LMNA: variants seen among roughly 807,000 people sequenced by gnomAD.
LMNA encodes lamin A/C.
Under a neutral mutation model 70.4 loss-of-function variants are expected in LMNA, and 20 were observed. The observed-to-expected ratio is 0.28, with a 90% CI of 0.20 to 0.41. The LOEUF (loss-of-function observed/expected upper bound fraction) is 0.41, where lower values mean the gene tolerates loss of function less well. LMNA is among the 10% of genes least tolerant of loss of function. The pLI is 1.00. For missense variants in LMNA, 652 were observed against 917.2 expected (o/e 0.71, Z 3.73); for synonymous variants, 339 against 372.8 (o/e 0.91, Z 1.04).
Position 156,134,567 on chromosome 1 carries a change from G to A in LMNA, c.639+39G>A. ...TTTGCAAGCCAGAGGGCTGGGGCTG[G>A]GTGATGACAGACTTGGGCTGGGCTA... On this transcript the variant is annotated intron_variant, in intron 3 of 11. Coordinates refer to ENST00000368300, the MANE Select transcript of LMNA (RefSeq NM_170707.4). The surrounding 1 kb of genome is among the most constrained non-coding windows in gnomAD (Gnocchi z 5.3). The A allele has an allele frequency of 1.2e-6, 2 of 1,612,658 alleles. No homozygotes were observed. The highest frequency in any genetic ancestry group is 1.7e-6 in the Non-Finnish European group (2 of 1,179,830).
At chr1:156,132,931 C>T (rs1361597689) in intron 2 of LMNA, among the ~76,000 whole-genome samples, 1 of 151,496 alleles carries the variant, frequency 6.6e-6, no homozygotes, top group Non-Finnish European at 1.5e-5. Context: ...CCTCTGTCTC[C>T]CAGGTTCAAG....
rs1651765531 is a variant in LMNA, at chr1:156,137,538, A to G, written c.1609-116A>G. ...CATCACCACAGAGGACAGAGTAAGC[A>G]GCAGGCCGGACAAAGGGCAGGCCAC... On this transcript the variant is annotated intron_variant, in intron 9 of 11. Coordinates refer to ENST00000368300, the MANE Select transcript of LMNA (RefSeq NM_170707.4). The surrounding 1 kb of genome is among the most constrained non-coding windows in gnomAD (Gnocchi z 4.6). The G allele has an allele frequency of 4.1e-6, 4 of 971,284 alleles. No individual in the cohort carries two copies. The highest frequency in any genetic ancestry group is 2.0e-5 in the Admixed American group (1 of 50,316). 60.2% of individuals were successfully genotyped at this position (971,284 alleles called of 1,614,324 possible). A position where few individuals can be genotyped will look rare whatever the true frequency, so the allele number is the denominator to read the frequency against.
rs373584456 is a variant in LMNA, at chr1:156,136,335, C to T, written c.1279C>T (p.Arg427Cys). 3.4e-5 allele frequency: 55 copies of T among 1,612,170 alleles called. No homozygotes were observed. The highest frequency in any genetic ancestry group is 9.3e-5 in the African/African-American group (7 of 74,880). ...GCGCAAACTGGAGTCCACTGAGAGCCGCAGCAGCTTCTCACAGCACGCACG... is the reference window on the plus strand; with the variant it reads ...GCGCAAACTGGAGTCCACTGAGAGCTGCAGCAGCTTCTCACAGCACGCACG... ...KKRKLESTES[R>C]SSFSQHARTS... The change falls in exon 7 of 12, where the codon CGC (arginine) becomes TGC (cysteine). Residue 427 changes from arginine to cysteine, a missense_variant. Physicochemically the swap from Arg to Cys is radical, Grantham distance 180. Transcript: ENST00000368300. The surrounding 1 kb of genome is among the most constrained non-coding windows in gnomAD (Gnocchi z 6.1).
chr1:156,138,105 T>G lies in LMNA; in HGVS notation c.1698+362T>G. On this transcript the variant is annotated intron_variant, in intron 10 of 11. Transcript: ENST00000368300. The surrounding 1 kb of genome is among the most constrained non-coding windows in gnomAD (Gnocchi z 5.5). The stretch of plus-strand genomic sequence containing the variant: ...TCTTGTTGCATGCATATCCTCTCAT[T>G]TCCCTCATTTTTCCTGCAAGAATGT... 2 of 506,188 alleles carry G rather than the reference T, an allele frequency of 4.0e-6. No homozygotes were observed. The highest frequency in any genetic ancestry group is 7.2e-6 in the Non-Finnish European group (2 of 278,888). 31.4% of individuals were successfully genotyped at this position (506,188 alleles called of 1,614,324 possible). A position where few individuals can be genotyped will look rare whatever the true frequency, so the allele number is the denominator to read the frequency against.
intron 3 of LMNA, among the ~76,000 whole-genome samples, chr1:156,094,456 A>T (rs1463098474): frequency 6.6e-6 from 1 of 151,910 alleles, no homozygotes; most frequent in Non-Finnish European, 1.5e-5. Context: ...CTTCTGCCTC[A>T]GCCTCCCGAG....
In LMNA at chr1:156,134,846, G is replaced by A. The variant is rs769896881; in HGVS notation, c.681G>A (p.Val227=). Residue 227 remains valine (V), a synonymous_variant, in exon 4 of 12, where the codon GTG becomes GTA. Coordinates refer to ENST00000368300, the MANE Select transcript of LMNA (RefSeq NM_170707.4). This position sits in a 1 kb window ranked among gnomAD's most constrained non-coding sequence, Gnocchi z 5.3. ...AGCGCCGTCATGAGACCCGACTGGT[G>A]GAGATTGACAATGGGAAGCAGCGTG... ...ETKRRHETRL[V]EIDNGKQREF... The A allele has an allele frequency of 5.0e-6, 8 of 1,614,126 alleles. No homozygotes were observed. Among genetic ancestry groups the A allele is most frequent in the Non-Finnish European group, 6.8e-6 (8 of 1,180,054 alleles).
intron 1 of LMNA, among the ~76,000 whole-genome samples, chr1:156,121,665 CCCCCTTGCTTCCCTCCTCCCCAG>C (rs1200315304): frequency 1.3e-5 from 2 of 151,992 alleles, no homozygotes; most frequent in Non-Finnish European, 2.9e-5. Context: ...CTGCTCCCCT[CCCCCTTGCTTCCCTCCTCCCCAG>C]CCCCTCGCCA....
chr1:156,102,562 G>A (rs765666996), intron 3 of LMNA, among the ~76,000 whole-genome samples: 15 of 152,114 alleles, frequency 9.9e-5, no homozygotes, highest in Non-Finnish European at 8.8e-5. Context: ...CCCCACCCGA[G>A]GCGTTCCACA....
chr1:156,126,116 C>T (rs999691296), intron 1 of LMNA: 318 of 1,465,598 alleles, frequency 2.2e-4, no homozygotes, highest in Non-Finnish European at 2.6e-4. Flanking sequence ...CACCCGGCCA[C>T]AGGGGGCGAT....
Position 156,114,797 on chromosome 1 carries a change from G to T in LMNA, c.-122G>T. 1.4e-6 allele frequency: 1 copy of T among 692,058 alleles called. No individual in the cohort carries two copies. Among genetic ancestry groups the T allele is most frequent in the Non-Finnish European group, 2.3e-6 (1 of 429,204 alleles). 42.9% of individuals were successfully genotyped at this position (692,058 alleles called of 1,614,324 possible). ...CGGCCCAGATCCCCACGCCTGCCAG[G>T]AGCAAGCCGAGAGCCAGCCGGCCGG... On this transcript the variant is annotated 5_prime_UTR_variant, in exon 1 of 12. Transcript: ENST00000368300.
intron 2 of LMNA, among the ~76,000 whole-genome samples, chr1:156,086,270 C>T (rs1369905724): frequency 6.6e-6 from 1 of 152,210 alleles, no homozygotes; most frequent in Non-Finnish European, 1.5e-5. Flanking sequence ...TTTATTCTGA[C>T]CCATCATAGG....
chr1:156,136,533 T>C lies in LMNA; in HGVS notation c.1380+97T>C. Reference sequence around the variant, plus strand: ...TGTGGAGAGAGGAACATCCTTGCCCTCAGAGGGTGGACCAGGGTGAGCCTG... The same window carrying C: ...TGTGGAGAGAGGAACATCCTTGCCCCCAGAGGGTGGACCAGGGTGAGCCTG... On this transcript the variant is annotated intron_variant, in intron 7 of 11. Coordinates refer to ENST00000368300, the MANE Select transcript of LMNA (RefSeq NM_170707.4). The surrounding 1 kb of genome is among the most constrained non-coding windows in gnomAD (Gnocchi z 6.1). 1 of 1,284,194 alleles carries C rather than the reference T, an allele frequency of 7.8e-7. No individual in the cohort carries two copies. Among genetic ancestry groups the C allele is most frequent in the South Asian group, 1.3e-5 (1 of 78,200 alleles). 79.5% of individuals were successfully genotyped at this position (1,284,194 alleles called of 1,614,324 possible).
chr1:156,132,604 A>G (rs975533693), intron 2 of LMNA, among the ~76,000 whole-genome samples: 1 of 152,156 alleles, frequency 6.6e-6, no homozygotes, highest in Non-Finnish European at 1.5e-5. Context: ...CCAAGCTTCC[A>G]TCCTGGGTTC....
chr1:156,094,310 A>G (rs1648823544), intron 3 of LMNA, among the ~76,000 whole-genome samples: 1 of 152,032 alleles, frequency 6.6e-6, no homozygotes, highest in South Asian at 2.1e-4. Flanking sequence ...TCTCCCACTC[A>G]TCCTTCAGAC....
chr1:156,103,709 CTGCCCCTGCTG>C lies in LMNA; in HGVS notation c.-206-10999_-206-10989del, dbSNP rs1306673233. On this transcript the variant is annotated intron_variant, in intron 3 of 12. Transcript: ENST00000368301. This position sits in a 1 kb window ranked among gnomAD's most constrained non-coding sequence, Gnocchi z 4.7. ...TCCTTTCCATCGGCAGTGGCATGTCCTGCCCCTGCTGTGCCTGTGCCAACAACAGCCCACAT... is the reference window on the plus strand; with the variant it reads ...TCCTTTCCATCGGCAGTGGCATGTCCTGCCTGTGCCAACAACAGCCCACAT... 6.6e-6 allele frequency among the ~76,000 whole-genome samples: 1 copy of C among 152,164 alleles called. No homozygotes were observed. The highest frequency in any genetic ancestry group is 2.4e-5 in the African/African-American group (1 of 41,420).
At chr1:156,124,788 G>A (rs1650441202) in intron 1 of LMNA, among the ~76,000 whole-genome samples, 1 of 151,418 alleles carries the variant, frequency 6.6e-6, no homozygotes, top group South Asian at 2.1e-4. Flanking sequence ...AAAGGTGTGA[G>A]TATGTGTATA....
At chr1:156,092,028 C>T (rs1449689339) in intron 3 of LMNA, among the ~76,000 whole-genome samples, 2 of 152,034 alleles carry the variant, frequency 1.3e-5, no homozygotes, top group Non-Finnish European at 2.9e-5. Flanking sequence ...AGCCATTCTC[C>T]TGCCTCGGCC....
At chr1:156,088,117 G>C (rs542844704) in intron 2 of LMNA, among the ~76,000 whole-genome samples, 1 of 151,338 alleles carries the variant, frequency 6.6e-6, no homozygotes, top group African/African-American at 2.4e-5. Flanking sequence ...TGATCCGCCC[G>C]CCTCGGCCTC....
At chr1:156,130,419 G>A (rs928580457) in intron 1 of LMNA, among the ~76,000 whole-genome samples, 198 bp from the exon 2 acceptor site, 2 of 151,348 alleles carry the variant, frequency 1.3e-5, no homozygotes, top group Non-Finnish European at 2.9e-5. Context: ...AGCAGGAAGG[G>A]GGTTTTCAAG....
Sources: allele counts gnomAD v4.1 joint callset (sites outside exome capture counted in the v4.1 genomes callset), GRCh38; gene constraint gnomAD v4.1.1; non-coding constraint Gnocchi (gnomAD v3.1); transcripts MANE v1.5; gene names NCBI Gene and HGNC (gene_info 2026-07-23, HGNC 2026-07-21).